Variants in HECW2 observed in about 807,000 individuals in gnomAD.
HECW2 encodes the protein E3 ubiquitin-protein ligase HECW2.
Under a neutral mutation model 175.2 loss-of-function variants are expected in HECW2, and 61 were observed. The ratio of observed to expected loss-of-function variants is 0.35; its 90% confidence interval spans 0.28 to 0.43. The LOEUF (loss-of-function observed/expected upper bound fraction) is 0.43. HECW2 is among the 20% of genes least tolerant of loss of function. The pLI, the probability that HECW2 is intolerant of heterozygous loss-of-function variation, is 1.00. For synonymous variants in HECW2, 671 were observed against 731.0 expected, an observed-to-expected ratio of 0.92 and a Z score of 1.32; for missense variants, 1,524 against 2,000.5, an observed-to-expected ratio of 0.76 and a Z score of 4.54.
chr2:196,364,783 A>T (rs964464879), intron 2 of HECW2, among the ~76,000 whole-genome samples: 14 of 152,352 alleles, frequency 9.2e-5, no homozygotes, highest in African/African-American at 3.4e-4. Flanking sequence ...CAATTATGAC[A>T]CATGCTACAA....
At chr2:196,228,656 G>C (rs981584730) in intron 21 of HECW2, among the ~76,000 whole-genome samples, 1 of 152,144 alleles carries the variant, frequency 6.6e-6, no homozygotes, top group East Asian at 1.9e-4. Context: ...AAAACCAGGG[G>C]GAATCAGTTA....
At chr2:196,306,757 G>C (rs1258282322) in intron 12 of HECW2, 145 bp from the exon 13 acceptor site, 1 of 812,288 alleles carries the variant, frequency 1.2e-6, no homozygotes, top group African/African-American at 1.8e-5. Context: ...TTTTTTCTTT[G>C]CTGTAAATTC....
chr2:196,580,208 A>G (rs1173964003), intron 1 of HECW2, among the ~76,000 whole-genome samples: 1 of 151,432 alleles, frequency 6.6e-6, no homozygotes, highest in East Asian at 1.9e-4. Context: ...AGCTAAAGGG[A>G]GAAATGGACA....
At chr2:196,301,725 GTTTT>G (rs377063164) in intron 13 of HECW2, among the ~76,000 whole-genome samples, 116 of 112,890 alleles carry the variant, frequency 1.0e-3, no homozygotes, top group Middle Eastern at 4.8e-3. Flanking sequence ...TAATGGGATT[GTTTT>G]TTTTTTTTTT....
At chr2:196,399,836 C>T (rs934589449) in intron 2 of HECW2, among the ~76,000 whole-genome samples, 1 of 152,136 alleles carries the variant, frequency 6.6e-6, no homozygotes, top group Admixed American at 6.5e-5. Context: ...AGTTAAATAG[C>T]CTTTCACAGC....
intron 21 of HECW2, among the ~76,000 whole-genome samples, chr2:196,229,134 T>G (rs1687956624): frequency 6.6e-6 from 1 of 152,044 alleles, no homozygotes. Flanking sequence ...TGATAAAAAG[T>G]ATACACGTGG....
At chr2:196,560,782 C>T (rs1689973384) in intron 1 of HECW2, among the ~76,000 whole-genome samples, 2 of 152,162 alleles carry the variant, frequency 1.3e-5, no homozygotes, top group African/African-American at 4.8e-5. Flanking sequence ...GACAGAAGAA[C>T]ATAAATTGTG....
At chr2:196,514,693 G>T (rs1384212801) in intron 1 of HECW2, among the ~76,000 whole-genome samples, 1 of 152,162 alleles carries the variant, frequency 6.6e-6, no homozygotes, top group Non-Finnish European at 1.5e-5. Context: ...CTGAGGACAG[G>T]AGCTACCGAC....
chr2:196,467,276 T>C (rs1055873515), intron 1 of HECW2, among the ~76,000 whole-genome samples: 13 of 152,324 alleles, frequency 8.5e-5, no homozygotes, highest in African/African-American at 3.1e-4. Context: ...CTCCTTATCT[T>C]TGCACCTTAT....
chr2:196,297,722 A>G (rs10190368), intron 13 of HECW2, among the ~76,000 whole-genome samples: 31,989 of 152,182 alleles, frequency 0.21, 3,648 homozygotes, highest in Middle Eastern at 0.28. Context: ...GCACGTCACC[A>G]AATCTATAGC....
chr2:196,401,842 A>T (rs967261476), intron 2 of HECW2, among the ~76,000 whole-genome samples: 1 of 152,186 alleles, frequency 6.6e-6, no homozygotes, highest in African/African-American at 2.4e-5. Flanking sequence ...ATAAGTTAAG[A>T]CATGGAATCA....
At chr2:196,402,270 G>C (rs1349255770) in intron 2 of HECW2, among the ~76,000 whole-genome samples, 1 of 144,478 alleles carries the variant, frequency 6.9e-6, no homozygotes, top group African/African-American at 2.5e-5. Flanking sequence ...AAAAAGAAAT[G>C]ACAAGCTTTA....
chr2:196,322,794 T>C lies in HECW2; in HGVS notation c.742-174A>G, dbSNP rs1287395788. 2.6e-5 allele frequency among the ~76,000 whole-genome samples: 4 copies of C among 152,222 alleles called. No individual in the cohort carries two copies. In the East Asian group the frequency reaches 7.7e-4, roughly 29 times the overall value. Reference sequence around the variant, plus strand: ...CTTTATTCACTCAGAATGATTAGCATTCACCATGATTAAAAAGCAGCAGTC... The same window carrying C: ...CTTTATTCACTCAGAATGATTAGCACTCACCATGATTAAAAAGCAGCAGTC... On this transcript the variant is annotated intron_variant, in intron 6 of 28. Transcript: ENST00000644978.
chr2:196,201,475 T>G, intron 28 of HECW2, 87 bp from the exon 29 acceptor site: 1 of 717,892 alleles, frequency 1.4e-6, no homozygotes, highest in South Asian at 2.4e-5. Context: ...TGTGTCTGTG[T>G]GTGTATGACT....
intron 4 of HECW2, 69 bp downstream of exon 4, chr2:196,334,355 C>T: frequency 1.7e-6 from 2 of 1,177,310 alleles, no homozygotes; most frequent in Non-Finnish European, 2.5e-6. Context: ...GTCAGGGCCG[C>T]ACAGGTAAAA....
chr2:196,374,140 A>C (rs1036337533), intron 2 of HECW2, among the ~76,000 whole-genome samples: 18 of 152,180 alleles, frequency 1.2e-4, no homozygotes, highest in Non-Finnish European at 1.0e-4. Flanking sequence ...AAGCTAAATA[A>C]CTGTCCAGAA....
At chr2:196,255,308 A>G (rs1689016729) in intron 18 of HECW2, among the ~76,000 whole-genome samples, 1 of 151,880 alleles carries the variant, frequency 6.6e-6, no homozygotes, top group South Asian at 2.1e-4. Flanking sequence ...TTTGTTTTAC[A>G]TGTTGTAAAT....
In HECW2 at chr2:196,283,291, A is replaced by T. The variant is rs1396990170; in HGVS notation, c.3001-4629T>A. 6.1e-5 allele frequency among the ~76,000 whole-genome samples: 9 copies of T among 147,468 alleles called. No individual in the cohort carries two copies. The East Asian group carries it at 1.0e-3, about 17-fold the overall frequency. ...AAAAAAAAAAAAAAAAAAAGTTGGA[A>T]GGAGATGGGGGCTCTTGCAACATGA... On this transcript the variant is annotated intron_variant, in intron 14 of 28. Transcript: ENST00000644978.
intron 1 of HECW2, among the ~76,000 whole-genome samples, chr2:196,485,269 C>T (rs1415231415): frequency 1.3e-5 from 2 of 152,146 alleles, no homozygotes; most frequent in African/African-American, 2.4e-5. Flanking sequence ...GAGTTGGGAG[C>T]ATAGCACACA....
Sources: allele counts gnomAD v4.1 joint callset (sites outside exome capture counted in the v4.1 genomes callset), GRCh38; gene constraint gnomAD v4.1.1; transcripts MANE v1.5; gene names NCBI Gene and HGNC (gene_info 2026-07-23, HGNC 2026-07-21).